Variants in TRAPPC9 observed in about 807,000 individuals in gnomAD.
TRAPPC9 encodes the protein trafficking protein particle complex subunit 9, also known as IKK2 binding protein.
Under a neutral mutation model 124.0 loss-of-function variants are expected in TRAPPC9, and 83 were observed. The ratio of observed to expected loss-of-function variants is 0.67; its 90% confidence interval spans 0.56 to 0.80. The LOEUF (loss-of-function observed/expected upper bound fraction) is 0.80, where lower values mean the gene tolerates loss of function less well. Ranked by LOEUF, TRAPPC9 falls within the 30% of genes least tolerant of loss-of-function variation. TRAPPC9 has a pLI of 0.00. For missense variants in TRAPPC9, 1,302 were observed against 1,508.3 expected, an observed-to-expected ratio of 0.86 and a Z score of 2.27; for synonymous variants, 638 against 617.5, an observed-to-expected ratio of 1.03 and a Z score of -0.49.
intron 9 of TRAPPC9, among the ~76,000 whole-genome samples, chr8:140,345,188 G>T (rs2067306795): frequency 6.6e-6 from 1 of 152,258 alleles, no homozygotes; most frequent in South Asian, 2.1e-4. Flanking sequence ...ATGCAGAAGT[G>T]GGAGAGCAGG....
At chr8:140,343,844 CCT>C (rs2067261732) in intron 9 of TRAPPC9, among the ~76,000 whole-genome samples, 1 of 152,058 alleles carries the variant, frequency 6.6e-6, no homozygotes, top group Non-Finnish European at 1.5e-5. Flanking sequence ...AAGCATTGTC[CCT>C]GAGAACTAAG....
At chr8:139,855,932 A>T (rs1827774162) in intron 21 of TRAPPC9, among the ~76,000 whole-genome samples, 1 of 152,246 alleles carries the variant, frequency 6.6e-6, no homozygotes, top group African/African-American at 2.4e-5. Flanking sequence ...CCTGGTAAAA[A>T]GCATTTGCAT....
chr8:139,945,300 G>C (rs964697794), intron 19 of TRAPPC9, among the ~76,000 whole-genome samples: 1 of 151,836 alleles, frequency 6.6e-6, no homozygotes, highest in Non-Finnish European at 1.5e-5. Context: ...ATACTGGAGT[G>C]GTTATATCAA....
chr8:139,986,277 C>A (rs1052629568), intron 19 of TRAPPC9, among the ~76,000 whole-genome samples: 3 of 151,882 alleles, frequency 2.0e-5, no homozygotes, highest in South Asian at 2.1e-4. Flanking sequence ...AAAAAACTGT[C>A]AAAATAATGT....
intron 17 of TRAPPC9, among the ~76,000 whole-genome samples, chr8:140,048,455 C>G (rs1412619625): frequency 1.3e-5 from 2 of 151,950 alleles, no homozygotes; most frequent in African/African-American, 2.4e-5. Flanking sequence ...TGGACAATAG[C>G]CCTATGCCAG....
chr8:140,438,316 C>T (rs964258425), intron 3 of TRAPPC9, among the ~76,000 whole-genome samples: 2 of 152,184 alleles, frequency 1.3e-5, no homozygotes, highest in African/African-American at 2.4e-5. Flanking sequence ...AAGGTTCATC[C>T]GTGCTGCAGT....
chr8:140,430,878 G>A (rs1209417316), intron 4 of TRAPPC9, among the ~76,000 whole-genome samples: 12 of 151,956 alleles, frequency 7.9e-5, no homozygotes, highest in Non-Finnish European at 1.2e-4. Flanking sequence ...GGGCTCAAGC[G>A]ATCCATGCAC....
At chr8:140,388,905 T>C (rs1017378236) in intron 7 of TRAPPC9, among the ~76,000 whole-genome samples, 15 of 147,126 alleles carry the variant, frequency 1.0e-4, no homozygotes, top group Non-Finnish European at 1.6e-4. Flanking sequence ...GGATGAACCA[T>C]GAAAACATGA....
intron 21 of TRAPPC9, among the ~76,000 whole-genome samples, chr8:139,861,447 T>C (rs930142516): frequency 2.6e-5 from 4 of 151,900 alleles, no homozygotes; most frequent in African/African-American, 9.7e-5. Context: ...CCAGGATGAG[T>C]CAGGATGGAT....
intron 17 of TRAPPC9, among the ~76,000 whole-genome samples, chr8:140,091,035 G>A (rs528970157): frequency 1.3e-5 from 2 of 152,330 alleles, no homozygotes; most frequent in South Asian, 2.1e-4. Context: ...GAAGACTGCA[G>A]AGAGAGAGAC....
At chr8:140,138,039 G>T (rs1454527120) in intron 17 of TRAPPC9, among the ~76,000 whole-genome samples, 1 of 152,150 alleles carries the variant, frequency 6.6e-6, no homozygotes, top group Non-Finnish European at 1.5e-5. Context: ...ACTGGCTCAC[G>T]CCTGTAATCC....
intron 17 of TRAPPC9, among the ~76,000 whole-genome samples, chr8:140,082,853 A>T (rs1474320612): frequency 6.6e-6 from 1 of 152,134 alleles, no homozygotes; most frequent in African/African-American, 2.4e-5. Flanking sequence ...TTGACTTGGG[A>T]CTGCTTTTCT....
At chr8:139,909,296 T>C (rs909554082) in intron 20 of TRAPPC9, among the ~76,000 whole-genome samples, 4 of 152,194 alleles carry the variant, frequency 2.6e-5, no homozygotes, top group African/African-American at 9.7e-5. Context: ...CTTTGTCCCC[T>C]TAATAAACTT....
intron 7 of TRAPPC9, among the ~76,000 whole-genome samples, chr8:140,393,032 T>TTTTATTTTATTTTATTTTATTTTATTTTA (rs1554679810): frequency 2.8e-4 from 39 of 138,098 alleles, no homozygotes; most frequent in Admixed American, 1.0e-3. Flanking sequence ...TCCCATTTTA[T>TTTTATTTTATTTTATTTTATTTTATTTTA]TTTTATTTTA....
intron 16 of TRAPPC9, among the ~76,000 whole-genome samples, chr8:140,225,636 T>C (rs1440481057): frequency 6.6e-6 from 1 of 152,184 alleles, no homozygotes; most frequent in Non-Finnish European, 1.5e-5. Flanking sequence ...TCTAGCATGT[T>C]ACCCCAGGAA....
At chr8:140,099,528 A>G (rs1328505851) in intron 17 of TRAPPC9, 2 of 147,560 alleles carry the variant, frequency 1.4e-5, no homozygotes, top group Non-Finnish European at 3.0e-5. Flanking sequence ...CAAAGTAATG[A>G]CGTTCGCCCA....
At chr8:140,197,732 A>T (rs1190223143) in intron 17 of TRAPPC9, among the ~76,000 whole-genome samples, 1 of 152,180 alleles carries the variant, frequency 6.6e-6, no homozygotes, top group African/African-American at 2.4e-5. Context: ...TCAAAAGCAC[A>T]GAATATAAAA....
At chr8:140,054,808 A>G (rs1023354200) in intron 17 of TRAPPC9, among the ~76,000 whole-genome samples, 1 of 152,110 alleles carries the variant, frequency 6.6e-6, no homozygotes, top group African/African-American at 2.4e-5. Context: ...AAATGGCTAC[A>G]TCGTAAAAAA....
Position 139,973,281 on chromosome 8 carries a change from C to T in TRAPPC9, c.2810+15445G>A, listed in dbSNP as rs113818199. On this transcript the variant is annotated intron_variant, in intron 19 of 22. Transcript: ENST00000438773. ...AGGGGTCAGGCCCCGCACCGTATCA[C>T]CCCAGCAGCAGGGTGGCCACGGGCC... Among the ~76,000 whole-genome samples the T allele has an allele frequency of 4.3e-3, 658 of 152,328 alleles. 3 individuals carry two copies. Among genetic ancestry groups the T allele is most frequent in the African/African-American group, 0.015 (622 of 41,584 alleles).
Sources: gnomAD v4.1 joint callset for allele counts (sites outside exome capture counted in the v4.1 genomes callset) on GRCh38, gnomAD v4.1.1 for gene constraint, MANE v1.5 for transcripts, NCBI Gene and HGNC (gene_info 2026-07-23, HGNC 2026-07-21) for gene names.